SLC1A7: variants seen among roughly 807,000 people sequenced by gnomAD.
SLC1A7 encodes the protein solute carrier family 1 member 7.
In SLC1A7, 40 loss-of-function variants were observed where a neutral mutation model predicts 47.7. That is an observed-to-expected ratio of 0.84 (90% CI 0.65 to 1.09). SLC1A7 has a LOEUF of 1.09. Among genes scored for constraint, SLC1A7 ranks in the 50% least tolerant of loss-of-function variants. The pLI, the probability that SLC1A7 is intolerant of heterozygous loss-of-function variation, is 0.00. For missense variants in SLC1A7, 746 were observed against 769.5 expected (o/e 0.97, Z 0.36); for synonymous variants, 323 against 325.6 (o/e 0.99, Z 0.09).
At chr1:53,117,327 G>T (rs923443791) in intron 2 of SLC1A7, among the ~76,000 whole-genome samples, 2 of 152,188 alleles carry the variant, frequency 1.3e-5, no homozygotes, top group African/African-American at 2.4e-5. Context: ...TGGCCTTGTG[G>T]CACTTCAGCA....
chr1:53,108,856 T>C (rs1644673356), intron 3 of SLC1A7, among the ~76,000 whole-genome samples: 1 of 152,240 alleles, frequency 6.6e-6, no homozygotes, highest in Non-Finnish European at 1.5e-5. Flanking sequence ...AAGCAAGTCC[T>C]GACTCGTGTG....
intron 2 of SLC1A7, among the ~76,000 whole-genome samples, chr1:53,131,828 T>G (rs1490121349): frequency 6.6e-6 from 1 of 152,082 alleles, no homozygotes; most frequent in Non-Finnish European, 1.5e-5. Context: ...AGTTAACAAG[T>G]GAATGCATAT....
intron 4 of SLC1A7, among the ~76,000 whole-genome samples, chr1:53,104,370 ACT>A (rs1258568554): frequency 1.3e-5 from 2 of 152,078 alleles, no homozygotes; most frequent in Non-Finnish European, 2.9e-5. Flanking sequence ...CACGTTGAAC[ACT>A]CTGTGCTGGT....
At chr1:53,105,322 T>A (rs1644627424) in intron 4 of SLC1A7, among the ~76,000 whole-genome samples, 1 of 152,150 alleles carries the variant, frequency 6.6e-6, no homozygotes, top group South Asian at 2.1e-4. Flanking sequence ...TAGGCCTGGG[T>A]TTACCTACTG....
At chr1:53,120,870 C>T (rs559936671) in intron 2 of SLC1A7, among the ~76,000 whole-genome samples, 1 of 152,358 alleles carries the variant, frequency 6.6e-6, no homozygotes, top group East Asian at 1.9e-4. Flanking sequence ...CAGGCACCAC[C>T]GCCCTCTGAA....
At chr1:53,107,346 C>T (rs1027163200) in intron 3 of SLC1A7, among the ~76,000 whole-genome samples, 1 of 151,988 alleles carries the variant, frequency 6.6e-6, no homozygotes, top group Admixed American at 6.6e-5. Context: ...TTGGATCCTG[C>T]AACAGAGAAA....
chr1:53,114,096 C>G (rs1015717527), intron 3 of SLC1A7, among the ~76,000 whole-genome samples: 10 of 152,176 alleles, frequency 6.6e-5, no homozygotes, highest in Non-Finnish European at 1.0e-4. Context: ...GGTCCAGGGC[C>G]TGGCACAGAA....
At chr1:53,110,317 G>A (rs1644688920) in intron 3 of SLC1A7, among the ~76,000 whole-genome samples, 1 of 152,170 alleles carries the variant, frequency 6.6e-6, no homozygotes, top group African/African-American at 2.4e-5. Context: ...CTAGGTTCTG[G>A]TTTCCTGTCC....
At chr1:53,117,857 C>G (rs1644778065) in intron 2 of SLC1A7, among the ~76,000 whole-genome samples, 1 of 152,234 alleles carries the variant, frequency 6.6e-6, no homozygotes, top group Non-Finnish European at 1.5e-5. Flanking sequence ...CTGACCCCAC[C>G]CTGGGGCCCC....
At chr1:53,112,078 T>A (rs772640195) in intron 3 of SLC1A7, among the ~76,000 whole-genome samples, 23 of 152,232 alleles carry the variant, frequency 1.5e-4, no homozygotes, top group Non-Finnish European at 3.2e-4. Flanking sequence ...TTGTGGTCCC[T>A]TCCCACCCTG....
chr1:53,106,047 C>T (rs1197201044), intron 3 of SLC1A7, among the ~76,000 whole-genome samples: 1 of 152,106 alleles, frequency 6.6e-6, no homozygotes, highest in East Asian at 1.9e-4. Context: ...TGGTGAACTA[C>T]TCAAATCTAC....
intron 1 of SLC1A7, among the ~76,000 whole-genome samples, chr1:53,139,484 C>A (rs1301724448): frequency 6.6e-6 from 1 of 152,212 alleles, no homozygotes; most frequent in Non-Finnish European, 1.5e-5. Flanking sequence ...TTCCTTGGGG[C>A]AGGCAGTGGG....
At chr1:53,106,953 G>C (rs1644649183) in intron 3 of SLC1A7, among the ~76,000 whole-genome samples, 1 of 151,998 alleles carries the variant, frequency 6.6e-6, no homozygotes, top group Non-Finnish European at 1.5e-5. Flanking sequence ...TCAGGAGTTT[G>C]AGACCAGCCT....
chr1:53,095,890 G>A (rs992839919), intron 5 of SLC1A7, among the ~76,000 whole-genome samples: 9 of 131,206 alleles, frequency 6.9e-5, no homozygotes, highest in Admixed American at 4.7e-4. Flanking sequence ...CATTCACATC[G>A]CCTCGGTACA....
At chr1:53,114,694 G>C in intron 3 of SLC1A7, 64 bp downstream of exon 3, 3 of 1,434,262 alleles carry the variant, frequency 2.1e-6, no homozygotes, top group South Asian at 1.2e-5. Flanking sequence ...CTGGCCTCTG[G>C]GGGACCTGGC....
At position 53,097,066 on chromosome 1, in the gene SLC1A7, G is replaced by A. The variant is rs60715966; in HGVS notation, c.698-3506C>T. Among the ~76,000 whole-genome samples, 103 of 115,948 alleles carry A rather than the reference G, an allele frequency of 8.9e-4. No homozygotes were observed. In the East Asian group the frequency reaches 0.017, roughly 19 times the overall value. The allele number at this position is 115,948 out of a possible 152,430, so 76.1% of individuals were successfully genotyped here. ...TCAACCTGCCTCGGTACAATCACACGCACTGCCTCAGTACGCTCACACACA... is the reference window on the plus strand; with the variant it reads ...TCAACCTGCCTCGGTACAATCACACACACTGCCTCAGTACGCTCACACACA... On this transcript the variant is annotated intron_variant, in intron 5 of 10. Transcript: ENST00000371494.
Position 53,114,983 on chromosome 1 carries a change from C to A in SLC1A7, c.216-10G>T. 6.2e-7 allele frequency: 1 copy of A among 1,610,288 alleles called. No homozygotes were observed. On this transcript the variant is annotated splice_polypyrimidine_tract_variant and intron_variant, in intron 2 of 10. Transcript: ENST00000371494. ...AAGTCCGGACATCAAGCTGGGAGGG[C>A]GAGGGGGTCAGGGGCTGTGGTGGGG...
At chr1:53,123,573 C>T (rs890596860) in intron 2 of SLC1A7, among the ~76,000 whole-genome samples, 1 of 152,156 alleles carries the variant, frequency 6.6e-6, no homozygotes, top group Non-Finnish European at 1.5e-5. Flanking sequence ...AACACCAACC[C>T]GGGGGTGGGG....
At chr1:53,106,902 C>A (rs35161056) in intron 3 of SLC1A7, among the ~76,000 whole-genome samples, 1 of 151,956 alleles carries the variant, frequency 6.6e-6, no homozygotes, top group African/African-American at 2.4e-5. Context: ...TGCCTGTAAT[C>A]CCAGCACTTT....
Sources: gnomAD v4.1 joint callset for allele counts (sites outside exome capture counted in the v4.1 genomes callset) on GRCh38, gnomAD v4.1.1 for gene constraint, MANE v1.5 for transcripts, NCBI Gene and HGNC (gene_info 2026-07-23, HGNC 2026-07-21) for gene names.